MICU3: variants seen among roughly 807,000 people sequenced by gnomAD.
MICU3 encodes mitochondrial calcium uptake 3.
In MICU3, 62 loss-of-function variants were observed where a neutral mutation model predicts 66.5. The observed-to-expected ratio is 0.93, with a 90% CI of 0.76 to 1.15. MICU3 has a LOEUF of 1.15. Ranked by LOEUF, MICU3 falls within the 50% of genes most tolerant of loss-of-function variation. MICU3 has a pLI of 0.00. For synonymous variants in MICU3, 308 were observed against 240.7 expected (o/e 1.28, Z -2.59); for missense variants, 779 against 664.4 (o/e 1.17, Z -1.90).
In MICU3 at chr8:17,121,926, T is replaced by G. The variant is rs1276786592; in HGVS notation, c.*1639T>G. 6.6e-6 allele frequency: 1 copy of G among 151,818 alleles called. No homozygotes were observed. The highest frequency in any genetic ancestry group is 1.9e-4 in the East Asian group (1 of 5,196). 9.4% of individuals were successfully genotyped at this position (151,818 alleles called of 1,614,324 possible). A position where few individuals can be genotyped will look rare whatever the true frequency, so the allele number is the denominator to read the frequency against. On this transcript the variant is annotated 3_prime_UTR_variant, in exon 15 of 15. Transcript: ENST00000318063. ...CTCATATAACATACCTCAGGTCTAT[T>G]TTACCTTACACTGAATGTTCTTAAT...
intron 11 of MICU3, among the ~76,000 whole-genome samples, chr8:17,113,892 A>G (rs1252633146): frequency 6.6e-6 from 1 of 152,184 alleles, no homozygotes; most frequent in Non-Finnish European, 1.5e-5. Context: ...TTATTCTAAT[A>G]GCAGGCAGCA....
In MICU3 at chr8:17,070,863, A is replaced by G. The variant is rs149472515; in HGVS notation, c.567+1144A>G. ...TTGGAAAGTACTGAACCCTATATGT[A>G]CTATGTTTTTTCAGTTTGGTAGACG... On this transcript the variant is annotated intron_variant, in intron 3 of 14. Transcript: ENST00000318063. Among the ~76,000 whole-genome samples the G allele has an allele frequency of 7.0e-3, 1,068 of 152,094 alleles. 11 individuals carry two copies. The highest frequency in any genetic ancestry group is 0.024 in the Middle Eastern group (7 of 294).
rs372712442 is a variant in MICU3 at position 17,087,045 on chromosome 8, C to T, written c.849+10C>T. Reference sequence around the variant, plus strand: ...AAAGCGTGCAATGCTGGTAAGAATACTTTATAGTAGCTTTAGGTGGCTTTT... The same window carrying T: ...AAAGCGTGCAATGCTGGTAAGAATATTTTATAGTAGCTTTAGGTGGCTTTT... On this transcript the variant is annotated intron_variant, in intron 7 of 14. Coordinates refer to ENST00000318063, the MANE Select transcript of MICU3 (RefSeq NM_181723.3). The T allele has an allele frequency of 1.5e-5, 23 of 1,572,028 alleles. No homozygotes were observed. The African/African-American group carries it at 1.8e-4, about 12-fold the overall frequency.
At chr8:17,086,532 G>A (rs780875489) in intron 6 of MICU3, among the ~76,000 whole-genome samples, 4 of 152,070 alleles carry the variant, frequency 2.6e-5, no homozygotes, top group African/African-American at 4.8e-5. Context: ...TCTGCCATCC[G>A]AAAATGGCCA....
the MICU3 span, chr8:17,132,922 T>C: frequency 6.6e-6 from 1 of 152,194 alleles, no homozygotes; most frequent in Non-Finnish European, 1.5e-5. Flanking sequence ...ATAAATGAGA[T>C]TAGTGCCTTG....
At chr8:17,033,530 G>A (rs964892232) in intron 1 of MICU3, among the ~76,000 whole-genome samples, 9 of 151,996 alleles carry the variant, frequency 5.9e-5, no homozygotes, top group Middle Eastern at 3.2e-3. Context: ...CCGCCTCGCC[G>A]GGTTCATACC....
chr8:17,135,006 C>A, the MICU3 span, among the ~76,000 whole-genome samples: 2 of 152,206 alleles, frequency 1.3e-5, no homozygotes, highest in East Asian at 3.8e-4. Flanking sequence ...GTTGTATATT[C>A]TACTTACAAG....
intron 4 of MICU3, among the ~76,000 whole-genome samples, chr8:17,078,292 A>G (rs1820679212): frequency 6.6e-6 from 1 of 151,986 alleles, no homozygotes; most frequent in Non-Finnish European, 1.5e-5. Context: ...AACAGGAAAA[A>G]TTTAGTGGAT....
At chr8:17,044,292 C>A (rs12682381) in intron 1 of MICU3, among the ~76,000 whole-genome samples, 41,279 of 151,948 alleles carry the variant, frequency 0.27, 6,399 homozygotes, top group East Asian at 0.6. Context: ...TTGTTTGGTT[C>A]CAGGCTAATA....
intron 3 of MICU3, among the ~76,000 whole-genome samples, chr8:17,077,348 A>G (rs1289222581): frequency 6.6e-6 from 1 of 152,102 alleles, no homozygotes; most frequent in Non-Finnish European, 1.5e-5. Context: ...AAGTTCTCTA[A>G]TTCCAAATGT....
At chr8:17,075,405 T>A (rs1162775258) in intron 3 of MICU3, among the ~76,000 whole-genome samples, 1 of 152,148 alleles carries the variant, frequency 6.6e-6, no homozygotes, top group Non-Finnish European at 1.5e-5. Flanking sequence ...TGGTAAGCAG[T>A]TCCCCTCCTG....
chr8:17,069,644 A>C (rs369080878), intron 2 of MICU3, 44 bp from the exon 3 acceptor site: 12 of 1,229,100 alleles, frequency 9.8e-6, no homozygotes, highest in South Asian at 4.2e-5. Context: ...TATATATTCC[A>C]TGAAGTATTT....
At position 17,114,115 on chromosome 8, in the gene MICU3, G is replaced by A. The variant is rs1585562698; in HGVS notation, c.1280G>A (p.Arg427Lys). 4 of 1,611,046 alleles carry A rather than the reference G, an allele frequency of 2.5e-6. No homozygotes were observed. The highest frequency in any genetic ancestry group is 2.2e-5 in the East Asian group (1 of 44,774). Residue 427 changes from arginine to lysine, a missense_variant, in exon 12 of 15, where the codon AGG becomes AAG. Transcript: ENST00000318063. ...TAGGGCATCACATTTGATGAATTCA[G>A]GTCATTTTTCCAGTTTTTAAACAAC... The part of the protein sequence containing the change: ...EEKGITFDEF[R>K]SFFQFLNNLE...
In MICU3 at chr8:17,027,637, C is replaced by T; in HGVS notation, c.358C>T (p.Pro120Ser). The T allele has an allele frequency of 7.7e-7, 1 of 1,304,682 alleles. No individual in the cohort carries two copies. The highest frequency in any genetic ancestry group is 9.7e-7 in the Non-Finnish European group (1 of 1,029,746). 80.8% of individuals were successfully genotyped at this position (1,304,682 alleles called of 1,614,324 possible). A position where few individuals can be genotyped will look rare whatever the true frequency, so the allele number is the denominator to read the frequency against. Residue 120 changes from proline (P) to serine (S), a missense_variant, in exon 1 of 15, where the codon CCA (proline) becomes TCA (serine). By Grantham distance (74) the Pro-to-Ser change is moderately conservative (BLOSUM62 -1). Coordinates refer to ENST00000318063, the MANE Select transcript of MICU3 (RefSeq NM_181723.3). The stretch of plus-strand genomic sequence containing the variant: ...CCGCGGCCGGGGGATGCTGCCCATC[C>T]CAGTGGCGGCTGCCAAGGAGACGGT... ...PPRGRGMLPI[P>S]VAAAKETVAI...
chr8:17,104,412 T>G lies in MICU3; in HGVS notation c.1006T>G (p.Leu336Val). Reference protein sequence around the residue: ...LAERADDITSLVTDTTLLVHF... With the variant: ...LAERADDITSVVTDTTLLVHF... ...TAAGCGTGCTGATGACATCACAAGT[T>G]TAGTAACAGATACTACACTTCTTGT... is the stretch of plus-strand genomic sequence containing the variant. Residue 336 changes from leucine (L) to valine (V), a missense_variant, in exon 10 of 15, where the codon TTA becomes GTA. Physicochemically the swap from Leu to Val is conservative, Grantham distance 32. Transcript: ENST00000318063. 7.0e-7 allele frequency: 1 copy of G among 1,422,180 alleles called. No individual in the cohort carries two copies. Among genetic ancestry groups the G allele is most frequent in the African/African-American group, 1.4e-5 (1 of 70,206 alleles). 88.1% of individuals were successfully genotyped at this position (1,422,180 alleles called of 1,614,324 possible).
At chr8:17,129,604 C>G in the MICU3 span, among the ~76,000 whole-genome samples, 2 of 151,508 alleles carry the variant, frequency 1.3e-5, no homozygotes, top group African/African-American at 4.9e-5. Context: ...AACTGATGCA[C>G]AAAAGAAAAA....
chr8:17,113,347 A>C lies in MICU3; in HGVS notation c.1258-746A>C, dbSNP rs191389889. Among the ~76,000 whole-genome samples the C allele has an allele frequency of 2.4e-4, 36 of 152,374 alleles. 1 individual carries two copies. The Middle Eastern group carries it at 0.014, about 58-fold the overall frequency. ...TAACTAAATGCAGCTCCTCTTGTCCAAATGTGTATTCTCTAAGATACATTG... is the reference window on the plus strand; with the variant it reads ...TAACTAAATGCAGCTCCTCTTGTCCCAATGTGTATTCTCTAAGATACATTG... On this transcript the variant is annotated intron_variant, in intron 11 of 14. Coordinates refer to ENST00000318063, the MANE Select transcript of MICU3 (RefSeq NM_181723.3).
downstream of MICU3, among the ~76,000 whole-genome samples, chr8:17,125,606 G>C (rs1457279154): frequency 2.6e-5 from 4 of 152,128 alleles, no homozygotes; most frequent in Non-Finnish European, 5.9e-5. Flanking sequence ...TGGCTGGCCA[G>C]ATTTCGCCTG....
chr8:17,093,944 A>G (rs1252537954), intron 8 of MICU3, among the ~76,000 whole-genome samples: 1 of 152,070 alleles, frequency 6.6e-6, no homozygotes, highest in African/African-American at 2.4e-5. Context: ...CCACCATAGT[A>G]TAGATCAAGA....
Sources: allele counts gnomAD v4.1 joint callset (sites outside exome capture counted in the v4.1 genomes callset), GRCh38; gene constraint gnomAD v4.1.1; transcripts MANE v1.5; gene names NCBI Gene and HGNC (gene_info 2026-07-23, HGNC 2026-07-21).